The following RGS7BP variants were observed in gnomAD, a reference collection of about 807,000 sequenced individuals.
RGS7BP encodes the protein regulator of G protein signaling 7-binding protein.
Under a neutral mutation model 31.3 loss-of-function variants are expected in RGS7BP, and 9 were observed. The observed-to-expected ratio is 0.29, with a 90% CI of 0.17 to 0.50. The LOEUF (loss-of-function observed/expected upper bound fraction) is 0.50. Among genes scored for constraint, RGS7BP ranks in the 20% least tolerant of loss-of-function variants. The probability of loss-of-function intolerance (pLI) is 0.98; values close to 1 mark genes in which losing one functional copy is unlikely to be tolerated. For missense variants in RGS7BP, 274 were observed against 322.0 expected (o/e 0.85, Z 1.14); for synonymous variants, 115 against 120.1 (o/e 0.96, Z 0.28).
rs980277142 is a variant in RGS7BP at position 64,552,565 on chromosome 5, A to G, written c.333-23209A>G. Among the ~76,000 whole-genome samples the G allele has an allele frequency of 2.2e-4, 33 of 152,312 alleles. No individual in the cohort carries two copies. In the South Asian group the frequency reaches 5.0e-3, roughly 23 times the overall value. On this transcript the variant is annotated intron_variant, in intron 2 of 5. Coordinates refer to ENST00000334025, the MANE Select transcript of RGS7BP (RefSeq NM_001029875.3). ...CATATCTTCATTTTGAATTGCCTCTATACATGAAATAAGTGTTTGTCCTGA... is the reference window on the plus strand; with the variant it reads ...CATATCTTCATTTTGAATTGCCTCTGTACATGAAATAAGTGTTTGTCCTGA...
At chr5:64,561,715 A>G (rs947022677) in intron 2 of RGS7BP, among the ~76,000 whole-genome samples, 9 of 152,192 alleles carry the variant, frequency 5.9e-5, no homozygotes, top group African/African-American at 2.2e-4. Context: ...TTGTCAGTGA[A>G]GCTCACCAAG....
intron 2 of RGS7BP, among the ~76,000 whole-genome samples, chr5:64,558,088 G>A (rs1490213118): frequency 4.6e-5 from 7 of 152,110 alleles, no homozygotes; most frequent in Non-Finnish European, 1.0e-4. Context: ...TGCCTGTCAT[G>A]TGGGATGCCA....
chr5:64,506,533 C>T lies in RGS7BP; in HGVS notation c.-92C>T. 5 of 1,213,492 alleles carry T rather than the reference C, an allele frequency of 4.1e-6. No homozygotes were observed. In the South Asian group the frequency reaches 4.5e-5, roughly 11 times the overall value. The allele number at this position is 1,213,492 out of a possible 1,614,324, so 75.2% of individuals were successfully genotyped here. On this transcript the variant is annotated 5_prime_UTR_variant, in exon 1 of 6. Coordinates refer to ENST00000334025, the MANE Select transcript of RGS7BP (RefSeq NM_001029875.3). The surrounding 1 kb of genome is among the most constrained non-coding windows in gnomAD (Gnocchi z 4.6). Reference sequence around the variant, plus strand: ...AGCTGCGCGCCTCAGGTCCGGGCTCCGGCTGCTTGGCGGCGGCGCCCAGGG... The same window carrying T: ...AGCTGCGCGCCTCAGGTCCGGGCTCTGGCTGCTTGGCGGCGGCGCCCAGGG...
chr5:64,576,929 G>C (rs1742447728), intron 3 of RGS7BP, among the ~76,000 whole-genome samples: 1 of 152,180 alleles, frequency 6.6e-6, no homozygotes, highest in South Asian at 2.1e-4. Context: ...GCTGTGCATA[G>C]AAGGTAATCC....
intron 2 of RGS7BP, among the ~76,000 whole-genome samples, chr5:64,537,231 C>CAAAATA (rs1374361739): frequency 1.3e-5 from 2 of 152,042 alleles, no homozygotes; most frequent in African/African-American, 4.8e-5. Flanking sequence ...GGGCCACACA[C>CAAAATA]AAAATATTAA....
intron 5 of RGS7BP, among the ~76,000 whole-genome samples, chr5:64,602,969 T>C (rs987808972): frequency 6.6e-6 from 1 of 152,098 alleles, no homozygotes; most frequent in African/African-American, 2.4e-5. Flanking sequence ...TGAAGGCATA[T>C]GGGGAGATGA....
chr5:64,607,864 G>A lies in RGS7BP; in HGVS notation c.683-1297G>A, dbSNP rs190742201. ...TGGCTGAGAGGAGGGGGCCATTCAG[G>A]TGGTTGGGGGGTTTACAATTTTATT... On this transcript the variant is annotated intron_variant, in intron 5 of 5. Transcript: ENST00000334025. Among the ~76,000 whole-genome samples the A allele has an allele frequency of 2.0e-5, 3 of 151,314 alleles. No homozygotes were observed. In the East Asian group the frequency reaches 5.9e-4, roughly 30 times the overall value.
chr5:64,554,230 G>A (rs1183797118), intron 2 of RGS7BP, among the ~76,000 whole-genome samples: 1 of 152,080 alleles, frequency 6.6e-6, no homozygotes, highest in African/African-American at 2.4e-5. Context: ...ATTTTGAACT[G>A]TCTCCCATAA....
chr5:64,570,550 A>G (rs1742279888), intron 2 of RGS7BP, among the ~76,000 whole-genome samples: 1 of 152,144 alleles, frequency 6.6e-6, no homozygotes, highest in Non-Finnish European at 1.5e-5. Context: ...TGTTTTTTTA[A>G]AAAGCTATTA....
chr5:64,514,170 C>CT (rs1217083852), intron 2 of RGS7BP, among the ~76,000 whole-genome samples: 1 of 152,152 alleles, frequency 6.6e-6, no homozygotes, highest in East Asian at 1.9e-4. Flanking sequence ...TCAAATTCCT[C>CT]TTTTTTACAA....
chr5:64,566,940 C>A (rs1376614232), intron 2 of RGS7BP, among the ~76,000 whole-genome samples: 1 of 151,260 alleles, frequency 6.6e-6, no homozygotes, highest in African/African-American at 2.4e-5. Context: ...TGTGGCCCAT[C>A]GCTTTAGATA....
At position 64,590,235 on chromosome 5, in the gene RGS7BP, G is replaced by GGA. The variant is rs149850024; in HGVS notation, c.464-4458_464-4457dup. Reference sequence around the variant, plus strand: ...AGAATCTAAGTGTGAGCACCAAGAGGGAGAGAGAGAGAGAGAGAAGAAAAT... The same window carrying GGA: ...AGAATCTAAGTGTGAGCACCAAGAGGGAGAGAGAGAGAGAGAGAGAAGAAAAT... On this transcript the variant is annotated intron_variant, in intron 3 of 5. Transcript: ENST00000334025. 5.5e-3 allele frequency among the ~76,000 whole-genome samples: 821 copies of GGA among 149,582 alleles called. 6 individuals carry two copies. The highest frequency in any genetic ancestry group is 0.027 in the Middle Eastern group (8 of 294).
chr5:64,589,418 C>T (rs1426831237), intron 3 of RGS7BP, among the ~76,000 whole-genome samples: 1 of 152,116 alleles, frequency 6.6e-6, no homozygotes, highest in Non-Finnish European at 1.5e-5. Context: ...GACAAACTGA[C>T]TCACATTCTT....
At chr5:64,599,823 A>C (rs1743173662) in intron 5 of RGS7BP, among the ~76,000 whole-genome samples, 1 of 152,232 alleles carries the variant, frequency 6.6e-6, no homozygotes. Flanking sequence ...CAAGTTGTTT[A>C]ACTTCTGCAA....
At chr5:64,531,947 A>G (rs1199651970) in intron 2 of RGS7BP, among the ~76,000 whole-genome samples, 2 of 152,148 alleles carry the variant, frequency 1.3e-5, no homozygotes, top group South Asian at 2.1e-4. Context: ...TCTATCCTTT[A>G]GTTTCCTACC....
At chr5:64,559,307 A>T (rs1444654569) in intron 2 of RGS7BP, among the ~76,000 whole-genome samples, 2 of 152,036 alleles carry the variant, frequency 1.3e-5, no homozygotes, top group Non-Finnish European at 2.9e-5. Flanking sequence ...AAAAGAACCT[A>T]TGTTGAAATA....
At chr5:64,572,199 A>T (rs940732103) in intron 2 of RGS7BP, among the ~76,000 whole-genome samples, 3 of 152,174 alleles carry the variant, frequency 2.0e-5, no homozygotes, top group Non-Finnish European at 4.4e-5. Context: ...AAGGTTTTGT[A>T]ATTTATCCCT....
chr5:64,521,694 C>T (rs141674220), intron 2 of RGS7BP, among the ~76,000 whole-genome samples: 62 of 152,272 alleles, frequency 4.1e-4, no homozygotes, highest in Non-Finnish European at 5.7e-4. Context: ...CCCTTACCCT[C>T]GCCAAAATAT....
chr5:64,560,787 T>A (rs990302810), intron 2 of RGS7BP, among the ~76,000 whole-genome samples: 4 of 152,106 alleles, frequency 2.6e-5, no homozygotes, highest in Admixed American at 6.6e-5. Flanking sequence ...AGTACTCATT[T>A]CCACCCTTAT....
Sources: allele counts gnomAD v4.1 joint callset (sites outside exome capture counted in the v4.1 genomes callset), GRCh38; gene constraint gnomAD v4.1.1; non-coding constraint Gnocchi (gnomAD v3.1); transcripts MANE v1.5; gene names NCBI Gene and HGNC (gene_info 2026-07-23, HGNC 2026-07-21).